SORCS3: variants seen among roughly 807,000 people sequenced by gnomAD.
The protein encoded by SORCS3 is sortilin related VPS10 domain containing receptor 3, also known as VPS10 domain-containing receptor SorCS3.
In SORCS3, 57 loss-of-function variants were observed where a neutral mutation model predicts 146.3. That is an observed-to-expected ratio of 0.39 (90% CI 0.31 to 0.49). SORCS3 has a LOEUF of 0.49. SORCS3 is among the 20% of genes least tolerant of loss of function. SORCS3 has a pLI of 0.92. For missense variants in SORCS3, 1,341 were observed against 1,575.5 expected, an observed-to-expected ratio of 0.85 and a Z score of 2.52; for synonymous variants, 653 against 618.5, an observed-to-expected ratio of 1.06 and a Z score of -0.83.
At chr10:105,230,330 G>A (rs2056759217) in intron 20 of SORCS3, among the ~76,000 whole-genome samples, 1 of 152,098 alleles carries the variant, frequency 6.6e-6, no homozygotes, top group Non-Finnish European at 1.5e-5. Flanking sequence ...CTTAGGTTGG[G>A]GAGTGGGAGT....
intron 20 of SORCS3, among the ~76,000 whole-genome samples, chr10:105,241,781 G>A (rs2056824989): frequency 6.6e-6 from 1 of 152,064 alleles, no homozygotes; most frequent in African/African-American, 2.4e-5. Flanking sequence ...CTGAGTCTGG[G>A]GTCTTTATAG....
intron 1 of SORCS3, among the ~76,000 whole-genome samples, chr10:104,643,241 C>A (rs1001452277): frequency 6.6e-6 from 1 of 152,204 alleles, no homozygotes; most frequent in Non-Finnish European, 1.5e-5. Context: ...TATTTCTCTT[C>A]ATGACCGGTG....
chr10:104,804,780 G>A (rs1368857690), intron 1 of SORCS3, among the ~76,000 whole-genome samples: 48 of 152,200 alleles, frequency 3.2e-4, no homozygotes, highest in Non-Finnish European at 1.5e-5. Flanking sequence ...CAGAATAGAT[G>A]CCAAATTATC....
intron 3 of SORCS3, among the ~76,000 whole-genome samples, chr10:104,934,013 T>C (rs2019235685): frequency 1.3e-5 from 2 of 152,174 alleles, no homozygotes; most frequent in Admixed American, 1.3e-4. Context: ...CAGGCTGGTC[T>C]CGAACTGACC....
chr10:104,720,523 T>C (rs1349801359), intron 1 of SORCS3, among the ~76,000 whole-genome samples: 1 of 152,244 alleles, frequency 6.6e-6, no homozygotes, highest in African/African-American at 2.4e-5. Flanking sequence ...ATGGTATTTC[T>C]AGTTCTAGAT....
At chr10:105,109,824 A>G (rs544561239) in intron 7 of SORCS3, among the ~76,000 whole-genome samples, 31 of 152,236 alleles carry the variant, frequency 2.0e-4, no homozygotes, top group Non-Finnish European at 3.4e-4. Context: ...TTTGATACCA[A>G]TTACTCATTA....
At chr10:104,949,391 T>G (rs934366047) in intron 3 of SORCS3, among the ~76,000 whole-genome samples, 3 of 151,984 alleles carry the variant, frequency 2.0e-5, no homozygotes, top group Admixed American at 6.6e-5. Flanking sequence ...TTCAAGAGAA[T>G]GATAGATGAA....
At chr10:104,953,509 G>A (rs2019455333) in intron 3 of SORCS3, among the ~76,000 whole-genome samples, 1 of 152,208 alleles carries the variant, frequency 6.6e-6, no homozygotes, top group Non-Finnish European at 1.5e-5. Context: ...TCTAAGGTAG[G>A]ATCCAGGAAA....
chr10:105,131,506 C>G (rs10884100), intron 7 of SORCS3, among the ~76,000 whole-genome samples: 1 of 151,982 alleles, frequency 6.6e-6, no homozygotes, highest in Non-Finnish European at 1.5e-5. Context: ...CACTTCTGTG[C>G]GACAATGTAG....
At chr10:104,869,975 G>A (rs1038823816) in intron 2 of SORCS3, among the ~76,000 whole-genome samples, 3 of 152,174 alleles carry the variant, frequency 2.0e-5, no homozygotes, top group Non-Finnish European at 2.9e-5. Context: ...CATCTATCAC[G>A]TAGAGTCGCT....
chr10:104,786,621 A>G (rs1385790395), intron 1 of SORCS3, among the ~76,000 whole-genome samples: 1 of 151,806 alleles, frequency 6.6e-6, no homozygotes, highest in African/African-American at 2.4e-5. Context: ...AAGAAAAAAA[A>G]AAGAAAATTA....
At chr10:105,145,988 C>G (rs527568558) in intron 8 of SORCS3, among the ~76,000 whole-genome samples, 8 of 152,010 alleles carry the variant, frequency 5.3e-5, no homozygotes, top group Non-Finnish European at 8.8e-5. Flanking sequence ...GAAACGGTTT[C>G]TAGGAAAGGT....
chr10:104,944,873 A>G (rs998261053), intron 3 of SORCS3, among the ~76,000 whole-genome samples: 2 of 152,198 alleles, frequency 1.3e-5, no homozygotes, highest in Non-Finnish European at 2.9e-5. Flanking sequence ...CTACATATGT[A>G]TGTGAGCCAA....
chr10:104,868,502 A>T (rs143684590), intron 2 of SORCS3, among the ~76,000 whole-genome samples: 16 of 152,350 alleles, frequency 1.1e-4, no homozygotes, highest in African/African-American at 3.6e-4. Flanking sequence ...TTTCAGATAG[A>T]GACCGCTTTA....
intron 5 of SORCS3, among the ~76,000 whole-genome samples, chr10:105,068,564 T>C (rs1351753892): frequency 6.6e-6 from 1 of 152,164 alleles, no homozygotes; most frequent in Admixed American, 6.5e-5. Flanking sequence ...ACCGGCTAAA[T>C]GAGGTTATCA....
At chr10:104,769,317 T>C (rs1462104223) in intron 1 of SORCS3, among the ~76,000 whole-genome samples, 1 of 152,172 alleles carries the variant, frequency 6.6e-6, no homozygotes, top group Non-Finnish European at 1.5e-5. Flanking sequence ...CAGGGCTGGC[T>C]CTGGAGGCCA....
In SORCS3 at chr10:105,245,631, C is replaced by T. The variant is rs750188810; in HGVS notation, c.2958C>T (p.Ala986=). 6.2e-6 allele frequency: 10 copies of T among 1,613,956 alleles called. No homozygotes were observed. In the African/African-American group the frequency reaches 6.7e-5, roughly 11 times the overall value. Residue 986 remains alanine, a synonymous_variant, in exon 21 of 27, where the codon GCC becomes GCT. Transcript: ENST00000369701. ...TITVQVAAGN[A]LIQDTKEIAV... is the part of the protein sequence containing the mutation. ...CAGTCCAGGTGGCTGCTGGGAATGC[C>T]CTCATCCAGGACACAAAAGAGATTG...
chr10:104,974,834 C>T (rs960834564), intron 3 of SORCS3, among the ~76,000 whole-genome samples: 44 of 152,080 alleles, frequency 2.9e-4, no homozygotes, highest in Admixed American at 1.2e-3. Flanking sequence ...TGGCTGGTAC[C>T]GGTTGTTCCT....
Position 104,963,702 on chromosome 10 carries a change from G to A in SORCS3, c.796-13633G>A, listed in dbSNP as rs138688594. ...CTTGTACATTGCTCTTCTACTTAAC[G>A]TCTCTGTTTGGATGTGTATTAAGCA... On this transcript the variant is annotated intron_variant, in intron 3 of 26. Transcript: ENST00000369701. Among the ~76,000 whole-genome samples, 400 of 152,108 alleles carry A rather than the reference G, an allele frequency of 2.6e-3. 2 individuals carry two copies. Among genetic ancestry groups the A allele is most frequent in the Admixed American group, 6.3e-3 (96 of 15,272 alleles).
Sources: allele counts gnomAD v4.1 joint callset (sites outside exome capture counted in the v4.1 genomes callset), GRCh38; gene constraint gnomAD v4.1.1; transcripts MANE v1.5; gene names NCBI Gene and HGNC (gene_info 2026-07-23, HGNC 2026-07-21).